The following ST14 variants were observed in gnomAD, a reference collection of about 807,000 sequenced individuals.
ST14 encodes the protein ST14 transmembrane serine protease matriptase.
ST14 carries 40 observed loss-of-function variants against 96.5 expected under a neutral mutation model. The ratio of observed to expected loss-of-function variants is 0.41; its 90% CI spans 0.32 to 0.54. ST14 has a LOEUF of 0.54. Among genes scored for constraint, ST14 ranks in the 20% least tolerant of loss-of-function variants. The pLI is 0.17. For missense variants in ST14, 1,066 were observed against 1,188.9 expected (o/e 0.90, Z 1.52); for synonymous variants, 506 against 492.1 (o/e 1.03, Z -0.37).
chr11:130,203,679 T>G (rs910956798), intron 16 of ST14, among the ~76,000 whole-genome samples: 1 of 151,934 alleles, frequency 6.6e-6, no homozygotes, highest in Non-Finnish European at 1.5e-5. Flanking sequence ...TGAGACCGAG[T>G]TTCACTTTTG....
chr11:130,176,651 G>A (rs1022226926), intron 1 of ST14, among the ~76,000 whole-genome samples: 3 of 152,112 alleles, frequency 2.0e-5, no homozygotes, highest in Admixed American at 1.3e-4. Flanking sequence ...GCCTCCCAAA[G>A]TGCTGGGATT....
chr11:130,170,854 C>CTT (rs910213549), intron 1 of ST14, among the ~76,000 whole-genome samples: 1 of 147,180 alleles, frequency 6.8e-6, no homozygotes, highest in Non-Finnish European at 1.5e-5. Flanking sequence ...CAGAGTGTTC[C>CTT]TTTTTTTTTT....
At chr11:130,169,325 C>T (rs1953068895) in intron 1 of ST14, among the ~76,000 whole-genome samples, 1 of 152,152 alleles carries the variant, frequency 6.6e-6, no homozygotes, top group African/African-American at 2.4e-5. Context: ...GAAATCCTGA[C>T]CTCAGGTGAT....
intron 1 of ST14, among the ~76,000 whole-genome samples, chr11:130,160,346 C>T (rs904145253): frequency 6.6e-6 from 1 of 152,154 alleles, no homozygotes; most frequent in Admixed American, 6.5e-5. Context: ...GGCTCCGTCT[C>T]GGCCCCTCCA....
chr11:130,165,441 C>T (rs935567537), intron 1 of ST14, among the ~76,000 whole-genome samples: 2 of 152,148 alleles, frequency 1.3e-5, no homozygotes, highest in Admixed American at 6.6e-5. Context: ...GTAGTAGTTG[C>T]CCTTTTTGCT....
chr11:130,202,824 C>T lies in ST14; in HGVS notation c.1994+2687C>T, dbSNP rs961423616. 6.6e-5 allele frequency among the ~76,000 whole-genome samples: 10 copies of T among 152,296 alleles called. No individual in the cohort carries two copies. In the East Asian group the frequency reaches 7.7e-4, roughly 12 times the overall value. ...GCTTGAGTCCTCATCTTAAAAAGCG[C>T]GACCCTACCTCACAGGACTGTTTCA... On this transcript the variant is annotated intron_variant, in intron 16 of 18. Coordinates refer to ENST00000278742, the MANE Select transcript of ST14 (RefSeq NM_021978.4).
intron 1 of ST14, among the ~76,000 whole-genome samples, chr11:130,177,848 T>A (rs1262403452): frequency 6.6e-6 from 1 of 152,276 alleles, no homozygotes. Context: ...GGCTTTCGCC[T>A]TAGCATCGAC....
intron 1 of ST14, among the ~76,000 whole-genome samples, chr11:130,182,067 A>C (rs896305838): frequency 6.6e-6 from 1 of 152,066 alleles, no homozygotes; most frequent in South Asian, 2.1e-4. Flanking sequence ...ACCTAACCAC[A>C]CTGGGAGGCA....
At chr11:130,208,267 C>G in intron 16 of ST14, 143 bp from the exon 17 acceptor site, 1 of 1,179,420 alleles carries the variant, frequency 8.5e-7, no homozygotes, top group Non-Finnish European at 1.2e-6. Context: ...AGGGTCAAGA[C>G]CAAGTAAGAG....
chr11:130,182,750 A>G (rs117056648), intron 1 of ST14, among the ~76,000 whole-genome samples: 4,692 of 151,468 alleles, frequency 0.031, 104 homozygotes, highest in Middle Eastern at 0.051. Flanking sequence ...CCCAGGTTCA[A>G]GCAACTCTTG....
Position 130,209,975 on chromosome 11 carries a change from A to G in ST14, c.*152A>G. On this transcript the variant is annotated 3_prime_UTR_variant, in exon 19 of 19. Transcript: ENST00000278742. ...AATCTCCAGGGCTCCAAATCTGCCT[A>G]GAAAACCTCTCGCTTCCTCAGCCTC... 4.1e-6 allele frequency: 4 copies of G among 974,120 alleles called. No individual in the cohort carries two copies. The highest frequency in any genetic ancestry group is 6.0e-6 in the Non-Finnish European group (4 of 671,536). The allele number at this position is 974,120 out of a possible 1,614,324, so 60.3% of individuals were successfully genotyped here.
chr11:130,175,369 TTCTC>T (rs1375492402), intron 1 of ST14, among the ~76,000 whole-genome samples: 3 of 152,022 alleles, frequency 2.0e-5, no homozygotes, highest in Admixed American at 1.3e-4. Context: ...CTCTCTCTCT[TTCTC>T]TCTCTCTCTT....
chr11:130,163,424 G>A (rs1397389879), intron 1 of ST14, among the ~76,000 whole-genome samples: 1 of 152,050 alleles, frequency 6.6e-6, no homozygotes, highest in African/African-American at 2.4e-5. Flanking sequence ...ATTTTGTTTT[G>A]TTTTTTAGAC....
chr11:130,183,067 C>T (rs183610006), intron 1 of ST14, among the ~76,000 whole-genome samples: 1 of 151,978 alleles, frequency 6.6e-6, no homozygotes, highest in African/African-American at 2.4e-5. Context: ...AGCGACTCTC[C>T]TGCCTCAGCC....
chr11:130,196,444 G>A lies in ST14; in HGVS notation c.1219G>A (p.Glu407Lys). The A allele has an allele frequency of 6.2e-7, 1 of 1,606,732 alleles. No homozygotes were observed. ...CPKDYVEING[E>K]KYCGERSQFV... ...CAAGGACTACGTGGAGATCAACGGG[G>A]AGAAGTGAGTCCCCGGGGGTATGGG... The change falls in exon 10 of 19, where the codon GAG (glutamate) becomes AAG (lysine). Residue 407 changes from glutamate to lysine, a missense_variant. Coordinates refer to ENST00000278742, the MANE Select transcript of ST14 (RefSeq NM_021978.4).
rs186847837 is a variant in ST14, at chr11:130,194,311, G to A, written c.1015+23G>A. On this transcript the variant is annotated intron_variant, in intron 8 of 18. Transcript: ENST00000278742. ...GCAGTAAGGAAGGGCAGGGCAGGGC[G>A]GGACTGCCCTCGGGCCACAGAGAAG... 120 of 1,614,024 alleles carry A rather than the reference G, an allele frequency of 7.4e-5. No individual in the cohort carries two copies. The African/African-American group carries it at 1.3e-3, about 18-fold the overall frequency.
chr11:130,195,057 G>C (rs913319915), intron 9 of ST14, among the ~76,000 whole-genome samples: 23 of 152,144 alleles, frequency 1.5e-4, no homozygotes, highest in African/African-American at 5.6e-4. Flanking sequence ...AGACCAGCCT[G>C]TGTAACATAG....
At chr11:130,160,301 C>T (rs896321553) in intron 1 of ST14, among the ~76,000 whole-genome samples, 5 of 152,036 alleles carry the variant, frequency 3.3e-5, no homozygotes, top group African/African-American at 1.2e-4. Context: ...CCTTCCTGCG[C>T]CCTCGGTCCT....
intron 1 of ST14, among the ~76,000 whole-genome samples, chr11:130,173,324 G>A (rs1479324066): frequency 1.3e-5 from 2 of 152,164 alleles, no homozygotes; most frequent in Admixed American, 6.5e-5. Context: ...AAGGCTGGGC[G>A]CGGTGGCTCA....
Sources: allele counts gnomAD v4.1 joint callset (sites outside exome capture counted in the v4.1 genomes callset), GRCh38; gene constraint gnomAD v4.1.1; transcripts MANE v1.5; gene names NCBI Gene and HGNC (gene_info 2026-07-23, HGNC 2026-07-21).